Variants in SOCS5 observed in about 807,000 individuals in gnomAD.
SOCS5 encodes the protein suppressor of cytokine signaling 5, also known as CIS-6.
Under a neutral mutation model 42.8 loss-of-function variants are expected in SOCS5, and 32 were observed. The observed-to-expected ratio is 0.75, with a 90% CI of 0.56 to 1.01. The LOEUF (loss-of-function observed/expected upper bound fraction) is 1.01, where lower values mean the gene tolerates loss of function less well. SOCS5 is among the 50% of genes least tolerant of loss of function. SOCS5 has a pLI of 0.00. For missense variants in SOCS5, 627 were observed against 653.0 expected, an observed-to-expected ratio of 0.96 and a Z score of 0.43; for synonymous variants, 283 against 229.6, an observed-to-expected ratio of 1.23 and a Z score of -2.10.
At chr2:46,704,772 C>G (rs1403265316) in intron 1 of SOCS5, among the ~76,000 whole-genome samples, 1 of 152,148 alleles carries the variant, frequency 6.6e-6, no homozygotes, top group East Asian at 1.9e-4. Context: ...GAAAGATAGT[C>G]TTTTGTTATT....
At chr2:46,712,349 T>G (rs962882601) in intron 1 of SOCS5, among the ~76,000 whole-genome samples, 1 of 140,092 alleles carries the variant, frequency 7.1e-6, no homozygotes, top group African/African-American at 2.7e-5. Context: ...TTTTTTTTTT[T>G]TTTTTTTTTT....
intron 1 of SOCS5, among the ~76,000 whole-genome samples, chr2:46,744,512 T>C (rs2103745989): frequency 6.6e-6 from 1 of 152,094 alleles, no homozygotes; most frequent in Non-Finnish European, 1.5e-5. Context: ...AACTAGTTCT[T>C]TCAAAATAAT....
At chr2:46,728,691 G>A (rs1195912713) in intron 1 of SOCS5, among the ~76,000 whole-genome samples, 1 of 152,116 alleles carries the variant, frequency 6.6e-6, no homozygotes, top group Non-Finnish European at 1.5e-5. Flanking sequence ...GAATAGCTGG[G>A]ACTACAAGTG....
chr2:46,744,824 G>A (rs1042086221), intron 1 of SOCS5, among the ~76,000 whole-genome samples: 37 of 151,484 alleles, frequency 2.4e-4, no homozygotes, highest in African/African-American at 8.7e-4. Flanking sequence ...CACCGCGCCC[G>A]GCTGTAATCG....
intron 1 of SOCS5, among the ~76,000 whole-genome samples, chr2:46,714,173 C>T (rs762947636): frequency 6.6e-6 from 1 of 152,138 alleles, no homozygotes; most frequent in Non-Finnish European, 1.5e-5. Context: ...GTCTGATCTT[C>T]TTATATCTTA....
At chr2:46,705,166 C>T (rs1486671925) in intron 1 of SOCS5, among the ~76,000 whole-genome samples, 1 of 152,334 alleles carries the variant, frequency 6.6e-6, no homozygotes, top group East Asian at 1.9e-4. Context: ...CAGTGTTTCC[C>T]TGAGTTCTGT....
intron 1 of SOCS5, among the ~76,000 whole-genome samples, chr2:46,710,090 T>C (rs943296565): frequency 2.0e-5 from 3 of 152,158 alleles, no homozygotes; most frequent in Non-Finnish European, 4.4e-5. Flanking sequence ...TTCTAGAGGG[T>C]GGGCAAAGAG....
chr2:46,713,059 A>AAAAG (rs1672663428), intron 1 of SOCS5, among the ~76,000 whole-genome samples: 1 of 152,228 alleles, frequency 6.6e-6, no homozygotes, highest in African/African-American at 2.4e-5. Flanking sequence ...TTTAATTTAT[A>AAAAG]AAAGAATGAA....
intron 1 of SOCS5, among the ~76,000 whole-genome samples, chr2:46,740,919 G>C (rs1243499044): frequency 1.3e-5 from 2 of 152,096 alleles, no homozygotes; most frequent in Non-Finnish European, 2.9e-5. Flanking sequence ...ACCCACATTT[G>C]AGTATGTCAG....
chr2:46,757,012 C>G (rs978378484), intron 1 of SOCS5, among the ~76,000 whole-genome samples: 17 of 152,294 alleles, frequency 1.1e-4, no homozygotes, highest in Admixed American at 1.1e-3. Context: ...GTACAAACTT[C>G]CTATGTGCCT....
At chr2:46,709,138 C>G (rs1210565301) in intron 1 of SOCS5, among the ~76,000 whole-genome samples, 1 of 152,164 alleles carries the variant, frequency 6.6e-6, no homozygotes, top group Non-Finnish European at 1.5e-5. Context: ...CCCGCCTTGG[C>G]CTCCCAAAGT....
intron 1 of SOCS5, among the ~76,000 whole-genome samples, chr2:46,725,202 T>G (rs1208213811): frequency 2.0e-5 from 3 of 152,106 alleles, no homozygotes. Context: ...TTATTAATAG[T>G]TCTATGTTAT....
rs1205969251 is a variant in SOCS5 at position 46,699,364 on chromosome 2, C to G, written c.-98C>G. On this transcript the variant is annotated 5_prime_UTR_variant, in exon 1 of 2. Transcript: ENST00000394861. The surrounding 1 kb of genome is among the most constrained non-coding windows in gnomAD (Gnocchi z 4.8). Reference sequence around the variant, plus strand: ...CGGGACGCACCGGAGGGCAGGCGGACTCGCCCTGTCGGTGACTGCGCCGTC... The same window carrying G: ...CGGGACGCACCGGAGGGCAGGCGGAGTCGCCCTGTCGGTGACTGCGCCGTC... 1 of 152,036 alleles carries G rather than the reference C, an allele frequency of 6.6e-6. No homozygotes were observed. The highest frequency in any genetic ancestry group is 1.5e-5 in the Non-Finnish European group (1 of 67,950). 9.4% of individuals were successfully genotyped at this position (152,036 alleles called of 1,614,324 possible). A position where few individuals can be genotyped will look rare whatever the true frequency, so the allele number is the denominator to read the frequency against.
At chr2:46,742,003 A>G (rs1236048583) in intron 1 of SOCS5, among the ~76,000 whole-genome samples, 1 of 152,216 alleles carries the variant, frequency 6.6e-6, no homozygotes, top group Non-Finnish European at 1.5e-5. Context: ...ATGTTCTCAC[A>G]TTAGTGTGTG....
intron 1 of SOCS5, among the ~76,000 whole-genome samples, chr2:46,748,272 G>T: frequency 6.7e-6 from 1 of 150,006 alleles, no homozygotes; most frequent in South Asian, 2.1e-4. Context: ...TGCAGCCTCA[G>T]CCTCCCAGGT....
intron 1 of SOCS5, among the ~76,000 whole-genome samples, chr2:46,740,189 G>A (rs369069616): frequency 6.6e-6 from 1 of 152,138 alleles, no homozygotes; most frequent in African/African-American, 2.4e-5. Flanking sequence ...GCTTTCAATC[G>A]TGAATGACCT....
At chr2:46,713,583 C>G (rs563269790) in intron 1 of SOCS5, among the ~76,000 whole-genome samples, 4 of 151,886 alleles carry the variant, frequency 2.6e-5, no homozygotes, top group Admixed American at 6.6e-5. Context: ...AAAGGAATAT[C>G]AATTTCATAA....
intron 1 of SOCS5, among the ~76,000 whole-genome samples, chr2:46,751,341 A>G (rs1673618533): frequency 6.6e-6 from 1 of 152,096 alleles, no homozygotes; most frequent in African/African-American, 2.4e-5. Flanking sequence ...TAAAAAATGT[A>G]ATTGCCAGAG....
At chr2:46,704,408 CG>C (rs1403677290) in intron 1 of SOCS5, among the ~76,000 whole-genome samples, 1 of 152,082 alleles carries the variant, frequency 6.6e-6, no homozygotes, top group Non-Finnish European at 1.5e-5. Flanking sequence ...GGAAATGATA[CG>C]GGAACTGCAG....
Sources: gnomAD v4.1 joint callset for allele counts (sites outside exome capture counted in the v4.1 genomes callset) on GRCh38, gnomAD v4.1.1 for gene constraint, Gnocchi (gnomAD v3.1) non-coding constraint, MANE v1.5 for transcripts, NCBI Gene and HGNC (gene_info 2026-07-23, HGNC 2026-07-21) for gene names.